Variants in RIMKLB observed in about 807,000 individuals in gnomAD.
The protein encoded by RIMKLB is beta-citrylglutamate synthase B.
In RIMKLB, 7 loss-of-function variants were observed where a neutral mutation model predicts 32.0. The ratio of observed to expected loss-of-function variants is 0.22; its 90% CI spans 0.12 to 0.41. The LOEUF (loss-of-function observed/expected upper bound fraction) is 0.41. Among genes scored for constraint, RIMKLB ranks in the 10% least tolerant of loss-of-function variants. RIMKLB has a pLI of 1.00. For missense variants in RIMKLB, 289 were observed against 498.7 expected, an observed-to-expected ratio of 0.58 and a Z score of 4.00; for synonymous variants, 172 against 185.1, an observed-to-expected ratio of 0.93 and a Z score of 0.57.
chr12:8,725,873 G>T (rs749555988), intron 2 of RIMKLB, among the ~76,000 whole-genome samples: 1 of 151,960 alleles, frequency 6.6e-6, no homozygotes, highest in South Asian at 2.1e-4. Flanking sequence ...TTTGAGACAA[G>T]GTCTCACTGT....
chr12:8,710,311 T>C (rs1320099450), intron 1 of RIMKLB, among the ~76,000 whole-genome samples: 5 of 147,128 alleles, frequency 3.4e-5, no homozygotes, highest in African/African-American at 1.3e-4. Context: ...TTCCTTCTTT[T>C]TTTTTTTTTT....
At chr12:8,724,435 T>C (rs1382170279) in intron 2 of RIMKLB, among the ~76,000 whole-genome samples, 2 of 152,228 alleles carry the variant, frequency 1.3e-5, no homozygotes, top group African/African-American at 4.8e-5. Flanking sequence ...TGGTGTCCTT[T>C]TTTCTGATTT....
At chr12:8,714,765 G>A (rs1944665921) in intron 2 of RIMKLB, among the ~76,000 whole-genome samples, 1 of 152,070 alleles carries the variant, frequency 6.6e-6, no homozygotes, top group South Asian at 2.1e-4. Flanking sequence ...AGCTAAATTG[G>A]TAGTTTCTGT....
At chr12:8,703,381 A>G (rs910085517) in intron 1 of RIMKLB, among the ~76,000 whole-genome samples, 4 of 152,204 alleles carry the variant, frequency 2.6e-5, no homozygotes, top group Admixed American at 6.5e-5. Flanking sequence ...GCTGAAGTAC[A>G]GTAGTATGTG....
At position 8,685,853 on chromosome 12, in the gene RIMKLB, G is replaced by C. The variant is rs141732438; in HGVS notation, n.219+4035G>C. 1.4e-3 allele frequency among the ~76,000 whole-genome samples: 211 copies of C among 152,058 alleles called. 3 individuals carry two copies. The highest frequency in any genetic ancestry group is 4.7e-3 in the African/African-American group (197 of 41,482). ...GACAGAGTCTCGCTCTGTCTCCCAGGCTGGAGTGCTGTGGGGCAATCTCGG... is the reference window on the plus strand; with the variant it reads ...GACAGAGTCTCGCTCTGTCTCCCAGCCTGGAGTGCTGTGGGGCAATCTCGG... On this transcript the variant is annotated intron_variant and non_coding_transcript_variant, in intron 1 of 1. Transcript: ENST00000538758.
At chr12:8,699,113 G>C (rs1203099558) in intron 1 of RIMKLB, among the ~76,000 whole-genome samples, 1 of 152,186 alleles carries the variant, frequency 6.6e-6, no homozygotes, top group Non-Finnish European at 1.5e-5. Flanking sequence ...AGGGGTTATT[G>C]CACTAACCAT....
At position 8,775,755 on chromosome 12, in the gene RIMKLB, G is replaced by GT. The variant is rs1351517754; in HGVS notation, c.*1972dup. 1.0e-6 allele frequency: 1 copy of GT among 985,232 alleles called. No individual in the cohort carries two copies. The highest frequency in any genetic ancestry group is 1.7e-5 in the African/African-American group (1 of 57,218). The allele number at this position is 985,232 out of a possible 1,614,324, so 61.0% of individuals were successfully genotyped here. A position where few individuals can be genotyped will look rare whatever the true frequency, so the allele number is the denominator to read the frequency against. ...AGGTTGATTGTTGATGAATAGAATA[G>GT]TACCTCTCATCTGTGCAGTGTCTCA... On this transcript the variant is annotated 3_prime_UTR_variant, in exon 6 of 6. Transcript: ENST00000535829.
upstream of RIMKLB, among the ~76,000 whole-genome samples, chr12:8,677,924 T>C (rs774296245): frequency 1.4e-5 from 2 of 147,488 alleles, no homozygotes; most frequent in African/African-American, 4.9e-5. Flanking sequence ...GGCTAATTTA[T>C]TTTTATTATA....
intron 1 of RIMKLB, among the ~76,000 whole-genome samples, chr12:8,710,388 A>G (rs1358434776): frequency 6.9e-6 from 1 of 144,052 alleles, no homozygotes; most frequent in Admixed American, 7.0e-5. Flanking sequence ...ACTCACTACA[A>G]CCTCCGCCTC....
intron 2 of RIMKLB, among the ~76,000 whole-genome samples, chr12:8,714,378 TTAAAAA>T (rs1565565349): frequency 1.3e-5 from 2 of 152,176 alleles, no homozygotes; most frequent in South Asian, 2.1e-4. Context: ...ACACAGTTTC[TTAAAAA>T]TAAAAGTAAA....
In RIMKLB at chr12:8,775,768, G is replaced by C; in HGVS notation, c.*1984G>C. 1 of 985,380 alleles carries C rather than the reference G, an allele frequency of 1.0e-6. No homozygotes were observed. Among genetic ancestry groups the C allele is most frequent in the Non-Finnish European group, 1.2e-6 (1 of 829,586 alleles). The allele number at this position is 985,380 out of a possible 1,614,324, so 61.0% of individuals were successfully genotyped here. On this transcript the variant is annotated 3_prime_UTR_variant, in exon 6 of 6. Coordinates refer to ENST00000535829, the MANE Select transcript of RIMKLB (RefSeq NM_001297776.2). ...ATGAATAGAATAGTACCTCTCATCT[G>C]TGCAGTGTCTCATTTCACCTCAGAG...
At chr12:8,765,894 C>T (rs1949917887) in intron 5 of RIMKLB, among the ~76,000 whole-genome samples, 1 of 152,056 alleles carries the variant, frequency 6.6e-6, no homozygotes, top group Non-Finnish European at 1.5e-5. Context: ...ACTCCATTTG[C>T]CTCTTTTTTT....
intron 5 of RIMKLB, among the ~76,000 whole-genome samples, chr12:8,761,080 TG>T (rs1269613339): frequency 6.6e-6 from 1 of 152,148 alleles, no homozygotes; most frequent in African/African-American, 2.4e-5. Context: ...CCGGGTGCAG[TG>T]GCTTATTCCT....
chr12:8,752,157 C>T, intron 4 of RIMKLB, 114 bp downstream of exon 4: 1 of 688,832 alleles, frequency 1.5e-6, no homozygotes, highest in South Asian at 2.0e-5. Flanking sequence ...ATACCTCAGA[C>T]TTACAGAAGG....
At chr12:8,682,495 G>C (rs1942435672) in intron 1 of RIMKLB, among the ~76,000 whole-genome samples, 1 of 152,110 alleles carries the variant, frequency 6.6e-6, no homozygotes, top group Non-Finnish European at 1.5e-5. Context: ...GGAAATGGCC[G>C]GGTGCGGTGG....
In RIMKLB at chr12:8,723,963, G is replaced by A. The variant is rs192893867; in HGVS notation, c.175+9922G>A. ...GCCAAGTAGCTGGGACTACAGGCAC[G>A]CGCCACCATGCCTGGCTAAGTTTTG... is the stretch of plus-strand genomic sequence containing the variant. On this transcript the variant is annotated intron_variant, in intron 2 of 5. Transcript: ENST00000535829. 5.3e-3 allele frequency among the ~76,000 whole-genome samples: 797 copies of A among 151,776 alleles called. 7 individuals carry two copies. Among genetic ancestry groups the A allele is most frequent in the South Asian group, 0.012 (58 of 4,806 alleles).
At chr12:8,765,276 C>T (rs986044157) in intron 5 of RIMKLB, among the ~76,000 whole-genome samples, 4 of 152,026 alleles carry the variant, frequency 2.6e-5, no homozygotes, top group African/African-American at 7.2e-5. Context: ...CCTTCTAGCA[C>T]GCAAGTTAGC....
intron 1 of RIMKLB, among the ~76,000 whole-genome samples, chr12:8,702,116 T>C (rs945667865): frequency 2.6e-5 from 4 of 152,226 alleles, no homozygotes; most frequent in Non-Finnish European, 5.9e-5. Context: ...AGCAGATTAT[T>C]AAAATATGTT....
intron 1 of RIMKLB, among the ~76,000 whole-genome samples, chr12:8,688,297 G>T (rs1942637415): frequency 6.6e-6 from 1 of 152,188 alleles, no homozygotes; most frequent in Non-Finnish European, 1.5e-5. Flanking sequence ...TGAAAGTTTA[G>T]TGGAAGTCTG....
Sources: allele counts gnomAD v4.1 joint callset (sites outside exome capture counted in the v4.1 genomes callset), GRCh38; gene constraint gnomAD v4.1.1; transcripts MANE v1.5; gene names NCBI Gene and HGNC (gene_info 2026-07-23, HGNC 2026-07-21).